Variants in AADACL2 observed in about 807,000 individuals in gnomAD.
The protein encoded by AADACL2 is arylacetamide deacetylase like 2.
Under a neutral mutation model 22.3 loss-of-function variants are expected in AADACL2, and 23 were observed. The observed-to-expected ratio is 1.03, with a 90% CI of 0.74 to 1.46. The LOEUF is 1.46. Among genes scored for constraint, AADACL2 ranks in the 40% most tolerant of loss-of-function variants. The pLI is 0.00. For synonymous variants in AADACL2, 177 were observed against 166.2 expected (o/e 1.07, Z -0.50); for missense variants, 472 against 482.9 (o/e 0.98, Z 0.21).
In AADACL2 at chr3:151,761,219, A is replaced by ATG. The variant is rs1233140860; in HGVS notation, c.*3626_*3627insGT. On this transcript the variant is annotated 3_prime_UTR_variant, in exon 5 of 5. Coordinates refer to ENST00000356517, the MANE Select transcript of AADACL2 (RefSeq NM_207365.4). Reference sequence around the variant, plus strand: ...TACATATTGTGATATATATATATATATATATATATATATATATATATATGA... The same window carrying ATG: ...TACATATTGTGATATATATATATATATGTATATATATATATATATATATATGA... 1 of 78,518 alleles carries ATG rather than the reference A, an allele frequency of 1.3e-5. No homozygotes were observed. Among genetic ancestry groups the ATG allele is most frequent in the Non-Finnish European group, 2.5e-5 (1 of 39,476 alleles). The allele number at this position is 78,518 out of a possible 1,614,324, so 4.9% of individuals were successfully genotyped here.
At position 151,758,225 on chromosome 3, in the gene AADACL2, T is replaced by C. The variant is rs1714019542; in HGVS notation, c.*631T>C. On this transcript the variant is annotated 3_prime_UTR_variant, in exon 5 of 5. Coordinates refer to ENST00000356517, the MANE Select transcript of AADACL2 (RefSeq NM_207365.4). The stretch of plus-strand genomic sequence containing the variant: ...TTTTAACCTCTGGTGGCTGCCAGTA[T>C]TCTTTGACTATTCTTAGATCAGTTT... The C allele has an allele frequency of 6.6e-6, 1 of 152,174 alleles. No individual in the cohort carries two copies. Among genetic ancestry groups the C allele is most frequent in the East Asian group, 1.9e-4 (1 of 5,190 alleles). 9.4% of individuals were successfully genotyped at this position (152,174 alleles called of 1,614,324 possible).
intron 4 of AADACL2, among the ~76,000 whole-genome samples, chr3:151,752,258 G>C (rs554136610): frequency 1.1e-4 from 16 of 151,974 alleles, no homozygotes; most frequent in Non-Finnish European, 2.4e-4. Flanking sequence ...TTAAAAATTC[G>C]GTATCAATAA....
At chr3:151,748,282 G>A (rs1388652310) in intron 4 of AADACL2, among the ~76,000 whole-genome samples, 1 of 152,070 alleles carries the variant, frequency 6.6e-6, no homozygotes, top group East Asian at 1.9e-4. Context: ...ATTTTGAGTT[G>A]ATTTTTGTAT....
At position 151,745,394 on chromosome 3, in the gene AADACL2, G is replaced by T. The variant is rs1188554851; in HGVS notation, c.432-115G>T. 7.5e-6 allele frequency: 8 copies of T among 1,069,628 alleles called. No individual in the cohort carries two copies. The Admixed American group carries it at 2.1e-4, about 28-fold the overall frequency. The allele number at this position is 1,069,628 out of a possible 1,614,324, so 66.3% of individuals were successfully genotyped here. On this transcript the variant is annotated intron_variant, in intron 3 of 4. Transcript: ENST00000356517. Reference sequence around the variant, plus strand: ...AATCAAGAGTTAGTAGAAAACTTAGGCTTGATTTTTAGAAGACTGAACAAT... The same window carrying T: ...AATCAAGAGTTAGTAGAAAACTTAGTCTTGATTTTTAGAAGACTGAACAAT...
chr3:151,740,623 T>TTTTG (rs766537550), intron 1 of AADACL2, 23 bp from the exon 2 acceptor site: 1 of 1,470,832 alleles, frequency 6.8e-7, no homozygotes, highest in Non-Finnish European at 9.3e-7. Context: ...AAATATTTAA[T>TTTTG]TTTGTTTGTT....
Position 151,739,060 on chromosome 3 carries a change from T to C in AADACL2, c.139-1586T>C, listed in dbSNP as rs867087970. On this transcript the variant is annotated intron_variant, in intron 1 of 4. Coordinates refer to ENST00000356517, the MANE Select transcript of AADACL2 (RefSeq NM_207365.4). ...CTTGCTGGAGAGGAGTTGCAATCAT[T>C]TGGAGAAGAGTCATTCTGGTCTTTG... 2.0e-5 allele frequency among the ~76,000 whole-genome samples: 3 copies of C among 152,138 alleles called. No homozygotes were observed. The South Asian group carries it at 6.2e-4, about 32-fold the overall frequency.
chr3:151,746,900 G>T (rs1386101960), intron 4 of AADACL2, among the ~76,000 whole-genome samples: 1 of 137,048 alleles, frequency 7.3e-6, no homozygotes, highest in Non-Finnish European at 1.6e-5. Flanking sequence ...AACACTTTTT[G>T]TCAGGTTTTT....
At chr3:151,745,783 T>C in intron 4 of AADACL2, 103 bp downstream of exon 4, 2 of 1,212,216 alleles carry the variant, frequency 1.6e-6, no homozygotes, top group African/African-American at 1.6e-5. Context: ...AAGACCATTC[T>C]TTCCCATTGA....
Position 151,733,982 on chromosome 3 carries a change from G to T in AADACL2, c.-54G>T, listed in dbSNP as rs778219200. 64 of 1,526,030 alleles carry T rather than the reference G, an allele frequency of 4.2e-5. No homozygotes were observed. The highest frequency in any genetic ancestry group is 5.6e-5 in the Non-Finnish European group (63 of 1,134,424). 94.5% of individuals were successfully genotyped at this position (1,526,030 alleles called of 1,614,324 possible). A position where few individuals can be genotyped will look rare whatever the true frequency, so the allele number is the denominator to read the frequency against. On this transcript the variant is annotated 5_prime_UTR_variant, in exon 1 of 5. Coordinates refer to ENST00000356517, the MANE Select transcript of AADACL2 (RefSeq NM_207365.4). ...ATTGCTCTACTAGTTACTATTCAGT[G>T]TTTGTGAAAAATTTTAATCTCAGTA...
intron 2 of AADACL2, among the ~76,000 whole-genome samples, chr3:151,741,164 AC>A (rs1452889569): frequency 6.6e-6 from 1 of 152,166 alleles, no homozygotes; most frequent in African/African-American, 2.4e-5. Context: ...CAGTTATTAA[AC>A]TTTTTTCTTG....
intron 4 of AADACL2, among the ~76,000 whole-genome samples, chr3:151,747,923 AT>A (rs1370268221): frequency 1.3e-5 from 2 of 152,094 alleles, no homozygotes; most frequent in African/African-American, 4.8e-5. Context: ...GTCCTTGTAC[AT>A]ATGTCTACTC....
intron 1 of AADACL2, among the ~76,000 whole-genome samples, chr3:151,736,802 T>C (rs1713104083): frequency 6.6e-6 from 1 of 152,216 alleles, no homozygotes; most frequent in South Asian, 2.1e-4. Flanking sequence ...CATGTGTCAT[T>C]ACAGTAGAAA....
rs1714057342 is a variant in AADACL2 at position 151,759,019 on chromosome 3, CT to C, written c.*1430del. ...AGAAATTAATTATGTTCAAAGAGCC[CT>C]TTTTCTTTCACTCAATTTCAGTACC... is the stretch of plus-strand genomic sequence containing the variant. On this transcript the variant is annotated 3_prime_UTR_variant, in exon 5 of 5. Coordinates refer to ENST00000356517, the MANE Select transcript of AADACL2 (RefSeq NM_207365.4). The C allele has an allele frequency of 6.6e-6, 1 of 151,858 alleles. No homozygotes were observed. Among genetic ancestry groups the C allele is most frequent in the South Asian group, 2.1e-4 (1 of 4,824 alleles). The allele number at this position is 151,858 out of a possible 1,614,324, so 9.4% of individuals were successfully genotyped here.
intron 4 of AADACL2, among the ~76,000 whole-genome samples, chr3:151,755,654 T>C (rs993893160): frequency 3.3e-5 from 5 of 152,098 alleles, no homozygotes; most frequent in African/African-American, 1.2e-4. Context: ...AATGACATAA[T>C]GGGGAACATA....
chr3:151,746,204 T>C (rs1233096437), intron 4 of AADACL2, among the ~76,000 whole-genome samples: 1 of 152,046 alleles, frequency 6.6e-6, no homozygotes, highest in Non-Finnish European at 1.5e-5. Context: ...AAAATTTTTA[T>C]TAAAATACTA....
rs751737242 is a variant in AADACL2 at position 151,740,698 on chromosome 3, T to C, written c.191T>C (p.Met64Thr). The part of the protein sequence containing the change: ...RIMRYEEFIS[M>T]IFRLDYTQPL... ...ATGAGATATGAAGAGTTTATATCCA[T>C]GATATTCAGGCTGGATTATACCCAA... The change falls in exon 2 of 5, where the codon ATG becomes ACG. Residue 64 changes from methionine to threonine, a missense_variant. Met to Thr is a moderately conservative substitution (Grantham distance 81). Coordinates refer to ENST00000356517, the MANE Select transcript of AADACL2 (RefSeq NM_207365.4). The C allele has an allele frequency of 6.2e-7, 1 of 1,613,904 alleles. No homozygotes were observed. The highest frequency in any genetic ancestry group is 1.7e-5 in the Admixed American group (1 of 60,016).
chr3:151,736,914 T>C (rs1324891471), intron 1 of AADACL2, among the ~76,000 whole-genome samples: 1 of 152,184 alleles, frequency 6.6e-6, no homozygotes, highest in Non-Finnish European at 1.5e-5. Context: ...TATTTCACAA[T>C]GGTCGAACTA....
Position 151,750,374 on chromosome 3 carries a change from T to G in AADACL2, c.603+4694T>G, listed in dbSNP as rs191975709. On this transcript the variant is annotated intron_variant, in intron 4 of 4. Transcript: ENST00000356517. Reference sequence around the variant, plus strand: ...TCATTACGTCAGCTTCCGCCACCTGTGCATCCAGGTTCCTAAGTTCACCTA... The same window carrying G: ...TCATTACGTCAGCTTCCGCCACCTGGGCATCCAGGTTCCTAAGTTCACCTA... Among the ~76,000 whole-genome samples, 427 of 152,312 alleles carry G rather than the reference T, an allele frequency of 2.8e-3. 1 individual carries two copies. The highest frequency in any genetic ancestry group is 4.6e-3 in the Non-Finnish European group (316 of 68,016).
rs374461612 is a variant in AADACL2, at chr3:151,740,238, G to A, written c.139-408G>A. On this transcript the variant is annotated intron_variant, in intron 1 of 4. Coordinates refer to ENST00000356517, the MANE Select transcript of AADACL2 (RefSeq NM_207365.4). ...AGTCCCTCAACGGCTTCCCTTGGGT[G>A]GGGGAGGGAGGTCCCCTGGCTCCTT... is the stretch of plus-strand genomic sequence containing the variant. Among the ~76,000 whole-genome samples the A allele has an allele frequency of 1.1e-3, 162 of 152,342 alleles. 1 individual carries two copies. Among genetic ancestry groups the A allele is most frequent in the Non-Finnish European group, 1.9e-3 (127 of 68,030 alleles).
Sources: gnomAD v4.1 joint callset for allele counts (sites outside exome capture counted in the v4.1 genomes callset) on GRCh38, gnomAD v4.1.1 for gene constraint, MANE v1.5 for transcripts, NCBI Gene and HGNC (gene_info 2026-07-23, HGNC 2026-07-21) for gene names.